PDE1C: variants seen among roughly 807,000 people sequenced by gnomAD.
PDE1C encodes the protein phosphodiesterase 1C.
Under a neutral mutation model 93.1 loss-of-function variants are expected in PDE1C, and 62 were observed. That is an observed-to-expected ratio of 0.67 (90% CI 0.54 to 0.82). PDE1C has a LOEUF of 0.82. PDE1C is among the 40% of genes least tolerant of loss of function. The pLI, the probability that PDE1C is intolerant of heterozygous loss-of-function variation, is 0.00. For synonymous variants in PDE1C, 325 were observed against 310.1 expected (o/e 1.05, Z -0.50); for missense variants, 742 against 884.6 (o/e 0.84, Z 2.04).
At chr7:32,293,960 T>G (rs1424485168) in intron 1 of PDE1C, among the ~76,000 whole-genome samples, 3 of 151,868 alleles carry the variant, frequency 2.0e-5, no homozygotes, top group African/African-American at 7.3e-5. Flanking sequence ...GCTCAGAAAG[T>G]CGTCAACCAT....
intron 6 of PDE1C, among the ~76,000 whole-genome samples, chr7:31,870,779 CA>C (rs1795850781): frequency 6.6e-6 from 1 of 151,776 alleles, no homozygotes; most frequent in Non-Finnish European, 1.5e-5. Context: ...TCCCTGATAC[CA>C]AAACTGGACA....
chr7:31,633,133 C>A, the PDE1C span, among the ~76,000 whole-genome samples: 5 of 151,920 alleles, frequency 3.3e-5, no homozygotes, highest in South Asian at 2.1e-4. Context: ...GATCTGCCTG[C>A]CTCAGCCTCC....
chr7:32,223,864 G>A (rs1486754003), intron 1 of PDE1C, among the ~76,000 whole-genome samples: 1 of 152,136 alleles, frequency 6.6e-6, no homozygotes, highest in Non-Finnish European at 1.5e-5. Flanking sequence ...GCTCCCGGCA[G>A]CTTCCTCTAC....
intron 16 of PDE1C, among the ~76,000 whole-genome samples, chr7:31,792,188 C>T (rs532075593): frequency 6.6e-6 from 1 of 152,162 alleles, no homozygotes; most frequent in East Asian, 1.9e-4. Flanking sequence ...TTTCTTAAGT[C>T]ACTTAAGAAA....
At chr7:32,175,933 G>A (rs951144964) in intron 2 of PDE1C, among the ~76,000 whole-genome samples, 4 of 152,142 alleles carry the variant, frequency 2.6e-5, no homozygotes, top group African/African-American at 9.7e-5. Context: ...GATAAGTCTT[G>A]CCATTTCACA....
intron 3 of PDE1C, among the ~76,000 whole-genome samples, chr7:32,150,100 C>T (rs1363530888): frequency 6.6e-6 from 1 of 152,220 alleles, no homozygotes; most frequent in African/African-American, 2.4e-5. Flanking sequence ...CAAGGTCACA[C>T]AGCTCTGCAG....
intron 16 of PDE1C, among the ~76,000 whole-genome samples, chr7:31,778,074 G>A (rs940252113): frequency 4.6e-5 from 7 of 152,172 alleles, no homozygotes; most frequent in Admixed American, 4.6e-4. Context: ...AATTTCACCA[G>A]GTGATTCCAA....
intron 7 of PDE1C, among the ~76,000 whole-genome samples, chr7:31,864,337 TAGACTG>T (rs1795024377): frequency 6.6e-6 from 1 of 152,124 alleles, no homozygotes; most frequent in Admixed American, 6.6e-5. Context: ...GCCTGGGTGA[TAGACTG>T]AGATTTCCAT....
In PDE1C at chr7:32,362,673, C is replaced by T. The variant is rs1306115050; in HGVS notation, c.310+65149G>A. On this transcript the variant is annotated intron_variant, in intron 1 of 1. Transcript: ENST00000672256. ...AATCACCTGCCTGGGCCCTACACTTCTTGTACACACCCTCCTCTCCTGCCT... is the reference window on the plus strand; with the variant it reads ...AATCACCTGCCTGGGCCCTACACTTTTTGTACACACCCTCCTCTCCTGCCT... Among the ~76,000 whole-genome samples, 4 of 152,306 alleles carry T rather than the reference C, an allele frequency of 2.6e-5. No homozygotes were observed. The East Asian group carries it at 5.8e-4, about 22-fold the overall frequency.
At chr7:31,728,317 G>A in the PDE1C span, among the ~76,000 whole-genome samples, 2 of 152,266 alleles carry the variant, frequency 1.3e-5, no homozygotes, top group South Asian at 4.1e-4. Context: ...AAGAAAACAA[G>A]CCAGCATTTC....
intron 2 of PDE1C, among the ~76,000 whole-genome samples, chr7:31,881,223 C>T (rs1324238199): frequency 6.6e-6 from 1 of 152,128 alleles, no homozygotes; most frequent in African/African-American, 2.4e-5. Context: ...TCTTGAGATT[C>T]TGCTCTGTTG....
At chr7:31,872,720 C>T (rs1330314918) in intron 6 of PDE1C, among the ~76,000 whole-genome samples, 4 of 152,130 alleles carry the variant, frequency 2.6e-5, no homozygotes, top group Non-Finnish European at 5.9e-5. Flanking sequence ...TCTGACCCCA[C>T]CTCGAGAGTC....
the PDE1C span, among the ~76,000 whole-genome samples, chr7:31,687,801 G>C: frequency 6.6e-6 from 1 of 152,152 alleles, no homozygotes; most frequent in South Asian, 2.1e-4. Flanking sequence ...CATAGCCAGA[G>C]GGTGCATTAA....
chr7:32,397,951 G>A (rs1046006880), intron 1 of PDE1C, among the ~76,000 whole-genome samples: 4 of 151,858 alleles, frequency 2.6e-5, no homozygotes, highest in Non-Finnish European at 4.4e-5. Context: ...TCAGGAGATC[G>A]AGACCATCCT....
At chr7:32,297,965 C>G (rs1812689631) in intron 1 of PDE1C, among the ~76,000 whole-genome samples, 1 of 33,880 alleles carries the variant, frequency 3.0e-5, no homozygotes, top group African/African-American at 8.1e-5. Flanking sequence ...ATCTCTCTCT[C>G]TCTCTCTCTC....
chr7:32,197,658 C>A (rs1292368221), intron 2 of PDE1C, among the ~76,000 whole-genome samples: 1 of 152,130 alleles, frequency 6.6e-6, no homozygotes, highest in Non-Finnish European at 1.5e-5. Context: ...CATGGATGAA[C>A]CTTGAAGACA....
Position 32,128,948 on chromosome 7 carries a change from TATATAA to T in PDE1C, c.308+40831_308+40836del, listed in dbSNP as rs1237076429. ...ATATATATATATATATATATATATA[TATATAA>T]AGAAAAATCTAAAAAAAACAGAAAA... is the stretch of plus-strand genomic sequence containing the variant. On this transcript the variant is annotated intron_variant, in intron 3 of 18. Transcript: ENST00000396193. Among the ~76,000 whole-genome samples the T allele has an allele frequency of 3.4e-3, 267 of 78,794 alleles. 8 individuals carry two copies. Among genetic ancestry groups the T allele is most frequent in the African/African-American group, 0.013 (246 of 18,484 alleles). 51.7% of individuals were successfully genotyped at this position (78,794 alleles called of 152,430 possible).
chr7:31,623,790 G>A, the PDE1C span, among the ~76,000 whole-genome samples: 1 of 151,952 alleles, frequency 6.6e-6, no homozygotes, highest in African/African-American at 2.4e-5. Context: ...GCAGGAGAAG[G>A]AAATAAAGGG....
chr7:31,930,226 A>C (rs1247170428), intron 2 of PDE1C, among the ~76,000 whole-genome samples: 1 of 152,108 alleles, frequency 6.6e-6, no homozygotes. Context: ...GAAGTCCCTG[A>C]ATAGACCAAT....
Sources: gnomAD v4.1 joint callset for allele counts (sites outside exome capture counted in the v4.1 genomes callset) on GRCh38, gnomAD v4.1.1 for gene constraint, MANE v1.5 for transcripts, NCBI Gene and HGNC (gene_info 2026-07-23, HGNC 2026-07-21) for gene names.